PDZD2: variants seen among roughly 807,000 people sequenced by gnomAD.
PDZD2 encodes the protein PDZ domain-containing protein 2.
In PDZD2, 90 loss-of-function variants were observed where a neutral mutation model predicts 220.7. The ratio of observed to expected loss-of-function variants is 0.41; its 90% CI spans 0.34 to 0.49. The LOEUF is 0.49. PDZD2 is among the 20% of genes least tolerant of loss of function. The pLI, the probability that PDZD2 is intolerant of heterozygous loss-of-function variation, is 0.28. For missense variants in PDZD2, 3,174 were observed against 3,608.5 expected (o/e 0.88, Z 3.08); for synonymous variants, 1,375 against 1,450.5 (o/e 0.95, Z 1.18).
intron 6 of PDZD2, among the ~76,000 whole-genome samples, chr5:32,031,318 T>TC (rs989453909): frequency 6.6e-6 from 1 of 152,164 alleles, no homozygotes; most frequent in African/African-American, 2.4e-5. Flanking sequence ...TAAGGAAGTA[T>TC]CCCTTTTTCT....
chr5:32,088,019 C>T lies in PDZD2; in HGVS notation c.4571C>T (p.Ser1524Phe), dbSNP rs538660835. Residue 1524 changes from serine to phenylalanine, a missense_variant, in exon 20 of 25, where the codon TCT (serine) becomes TTT (phenylalanine). This residue lies in a region of PDZD2 where 1,861 missense variants were observed against 2,001.0 expected (regional missense o/e 0.93). Coordinates refer to ENST00000438447, the MANE Select transcript of PDZD2 (RefSeq NM_178140.4). The surrounding 1 kb of genome is among the most constrained non-coding windows in gnomAD (Gnocchi z 4.6). ...TVNKNFLSNY[S>F]RNFSSFHEDS... ...AACAAAAACTTTCTGAGCAACTACTCTAGAAATTTTAGCAGTTTTCATGAA... is the reference window on the plus strand; with the variant it reads ...AACAAAAACTTTCTGAGCAACTACTTTAGAAATTTTAGCAGTTTTCATGAA... 8 of 1,614,200 alleles carry T rather than the reference C, an allele frequency of 5.0e-6. No homozygotes were observed. The South Asian group carries it at 8.8e-5, about 18-fold the overall frequency.
intron 24 of PDZD2, chr5:32,103,632 G>A (rs1185225379): frequency 6.6e-6 from 1 of 152,240 alleles, no homozygotes; most frequent in African/African-American, 2.4e-5. Flanking sequence ...CAATAGGGTA[G>A]CTAAAATGGA....
intron 2 of PDZD2, among the ~76,000 whole-genome samples, chr5:31,910,406 CTTTCT>C (rs1158081675): frequency 1.9e-4 from 14 of 72,246 alleles, no homozygotes; most frequent in Non-Finnish European, 4.7e-4. Context: ...TTTTCTTTTC[CTTTCT>C]TTTTTTTTTT....
chr5:32,066,851 A>T (rs892689941), intron 14 of PDZD2, among the ~76,000 whole-genome samples: 1 of 152,240 alleles, frequency 6.6e-6, no homozygotes, highest in Non-Finnish European at 1.5e-5. Context: ...CCGCCATGCC[A>T]TTGACCATAC....
intron 2 of PDZD2, among the ~76,000 whole-genome samples, chr5:31,898,450 G>A (rs1481024617): frequency 5.3e-5 from 8 of 152,216 alleles, no homozygotes; most frequent in Non-Finnish European, 1.2e-4. Context: ...TTGAGTGAAA[G>A]TGAGTGCTTC....
intron 2 of PDZD2, among the ~76,000 whole-genome samples, chr5:31,855,830 A>C (rs1234306412): frequency 6.6e-6 from 1 of 152,226 alleles, no homozygotes; most frequent in Non-Finnish European, 1.5e-5. Flanking sequence ...GTTTGGAAAG[A>C]GAATGGCATT....
chr5:31,944,029 T>C (rs1444585461), intron 2 of PDZD2, among the ~76,000 whole-genome samples: 1 of 152,182 alleles, frequency 6.6e-6, no homozygotes, highest in East Asian at 1.9e-4. Flanking sequence ...AATATGTCAG[T>C]TAGTCTGTTT....
intron 14 of PDZD2, among the ~76,000 whole-genome samples, chr5:32,063,105 C>T (rs956162539): frequency 6.6e-6 from 1 of 151,314 alleles, no homozygotes; most frequent in Admixed American, 6.6e-5. Context: ...GGTGCAGTTT[C>T]GTGATCTCGG....
chr5:31,642,454 G>T (rs1008657191), intron 1 of PDZD2, among the ~76,000 whole-genome samples: 4 of 152,180 alleles, frequency 2.6e-5, no homozygotes, highest in African/African-American at 9.7e-5. Flanking sequence ...TCTGCAAGGG[G>T]TGTTCATGAA....
chr5:31,855,944 G>C (rs1039076624), intron 2 of PDZD2, among the ~76,000 whole-genome samples: 1 of 152,162 alleles, frequency 6.6e-6, no homozygotes, highest in Admixed American at 6.5e-5. Flanking sequence ...GGTAACTACA[G>C]CTGTCATCCT....
chr5:31,728,792 A>AT (rs1749330745), intron 1 of PDZD2, among the ~76,000 whole-genome samples: 1 of 152,170 alleles, frequency 6.6e-6, no homozygotes, highest in Non-Finnish European at 1.5e-5. Flanking sequence ...TTATTGATTA[A>AT]TTTCTATTCC....
chr5:31,726,359 T>G (rs1580631297), intron 1 of PDZD2, among the ~76,000 whole-genome samples: 1 of 152,166 alleles, frequency 6.6e-6, no homozygotes, highest in South Asian at 2.1e-4. Flanking sequence ...TGAAACCCTG[T>G]CTCTCCTAAA....
chr5:32,063,852 A>G (rs1033208274), intron 14 of PDZD2, among the ~76,000 whole-genome samples: 4 of 152,246 alleles, frequency 2.6e-5, no homozygotes, highest in African/African-American at 9.6e-5. Context: ...TCATGACCCC[A>G]AGAATGTTAA....
chr5:32,054,412 C>T (rs1738903197), intron 10 of PDZD2, among the ~76,000 whole-genome samples: 1 of 144,974 alleles, frequency 6.9e-6, no homozygotes, highest in South Asian at 2.4e-4. Context: ...CAGCCTCAAC[C>T]CCCTGGGCTC....
At chr5:31,768,878 C>T (rs1407985834) in intron 1 of PDZD2, among the ~76,000 whole-genome samples, 1 of 152,168 alleles carries the variant, frequency 6.6e-6, no homozygotes, top group Non-Finnish European at 1.5e-5. Context: ...TCCAACTTCG[C>T]TGTGGTAATA....
At chr5:31,890,529 G>A (rs917439233) in intron 2 of PDZD2, among the ~76,000 whole-genome samples, 1 of 152,172 alleles carries the variant, frequency 6.6e-6, no homozygotes, top group Non-Finnish European at 1.5e-5. Flanking sequence ...AAACAGCCGA[G>A]CCGGGCCTAG....
At chr5:31,660,602 A>G (rs753730402) in intron 1 of PDZD2, among the ~76,000 whole-genome samples, 1 of 152,056 alleles carries the variant, frequency 6.6e-6, no homozygotes, top group Non-Finnish European at 1.5e-5. Flanking sequence ...TCTTGAGAGA[A>G]CTCACTCACT....
At chr5:32,036,273 C>T (rs1581337608) in intron 6 of PDZD2, among the ~76,000 whole-genome samples, 2 of 152,156 alleles carry the variant, frequency 1.3e-5, no homozygotes, top group Non-Finnish European at 2.9e-5. Flanking sequence ...TTACTTGATA[C>T]CTTATATGCC....
chr5:32,078,124 C>T (rs1741504765), intron 19 of PDZD2, among the ~76,000 whole-genome samples: 1 of 152,042 alleles, frequency 6.6e-6, no homozygotes, highest in Non-Finnish European at 1.5e-5. Context: ...AGTCAGTTGA[C>T]CCTTTTTACC....
Sources: gnomAD v4.1 joint callset for allele counts (sites outside exome capture counted in the v4.1 genomes callset) on GRCh38, gnomAD v4.1.1 for gene constraint, gnomAD v4.1.1 regional missense constraint, Gnocchi (gnomAD v3.1) non-coding constraint, MANE v1.5 for transcripts, NCBI Gene and HGNC (gene_info 2026-07-23, HGNC 2026-07-21) for gene names.